SASH1: variants seen among roughly 807,000 people sequenced by gnomAD.
SASH1 encodes the protein SAM and SH3 domain-containing protein 1.
SASH1 carries 44 observed loss-of-function variants against 125.2 expected under a neutral mutation model. The observed-to-expected ratio is 0.35, with a 90% CI of 0.28 to 0.45. SASH1 has a LOEUF of 0.45. SASH1 is among the 20% of genes least tolerant of loss of function. The pLI is 1.00. For missense variants in SASH1, 1,426 were observed against 1,614.5 expected (o/e 0.88, Z 2.00); for synonymous variants, 639 against 649.1 (o/e 0.98, Z 0.24).
intron 2 of SASH1, among the ~76,000 whole-genome samples, chr6:148,425,437 C>T (rs1443559560): frequency 6.6e-6 from 1 of 151,964 alleles, no homozygotes; most frequent in Non-Finnish European, 1.5e-5. Flanking sequence ...ACAATTTTTA[C>T]CTCTTAGTTT....
chr6:148,410,630 A>C (rs1784583956), intron 2 of SASH1, among the ~76,000 whole-genome samples: 1 of 152,170 alleles, frequency 6.6e-6, no homozygotes, highest in African/African-American at 2.4e-5. Flanking sequence ...ATGAATCACA[A>C]TTTTTAGGAT....
chr6:148,231,658 G>A, the SASH1 span, among the ~76,000 whole-genome samples: 10 of 152,142 alleles, frequency 6.6e-5, no homozygotes, highest in African/African-American at 2.2e-4. Context: ...AATGATTTCA[G>A]TGAATTCTTT....
At chr6:148,381,741 G>A (rs1036863479) in intron 1 of SASH1, among the ~76,000 whole-genome samples, 2 of 141,234 alleles carry the variant, frequency 1.4e-5, no homozygotes, top group South Asian at 2.3e-4. Context: ...TGATTCTCTC[G>A]CCTCAGCTTC....
the SASH1 span, among the ~76,000 whole-genome samples, chr6:148,199,500 C>A: frequency 2.0e-5 from 3 of 152,044 alleles, no homozygotes; most frequent in Non-Finnish European, 4.4e-5. Context: ...GAGTTTGAAA[C>A]CAGCCTGAGC....
intron 1 of SASH1, among the ~76,000 whole-genome samples, chr6:148,321,078 T>G (rs1362829951): frequency 6.6e-6 from 1 of 152,196 alleles, no homozygotes; most frequent in Non-Finnish European, 1.5e-5. Context: ...GGTGCAAACA[T>G]AATCACGGTT....
At chr6:148,417,846 T>C (rs1358027656) in intron 2 of SASH1, among the ~76,000 whole-genome samples, 1 of 152,150 alleles carries the variant, frequency 6.6e-6, no homozygotes, top group Non-Finnish European at 1.5e-5. Flanking sequence ...ATGTTGGCAA[T>C]GATGGGAATG....
At chr6:148,393,665 A>G in intron 2 of SASH1, 2 of 981,036 alleles carry the variant, frequency 2.0e-6, no homozygotes, top group Non-Finnish European at 2.4e-6. Context: ...ATTCAAACAG[A>G]TGGGGCTAAT....
rs528252944 is a variant in SASH1, at chr6:148,504,880, G to T, written c.730-9444G>T. ...AGAGGCGTGGCAGTGAGGTTAAAAA[G>T]GGGTGGACAAGGTCGGCTCTCTCTC... On this transcript the variant is annotated intron_variant, in intron 8 of 19. Coordinates refer to ENST00000367467, the MANE Select transcript of SASH1 (RefSeq NM_015278.5). Among the ~76,000 whole-genome samples the T allele has an allele frequency of 9.2e-5, 14 of 152,232 alleles. No individual in the cohort carries two copies. The East Asian group carries it at 2.7e-3, about 29-fold the overall frequency.
intron 1 of SASH1, among the ~76,000 whole-genome samples, chr6:148,375,212 G>C (rs986094382): frequency 6.6e-5 from 10 of 151,222 alleles, no homozygotes; most frequent in African/African-American, 2.2e-4. Context: ...GGCTGGTCTC[G>C]AACTCCTGAG....
the SASH1 span, among the ~76,000 whole-genome samples, chr6:148,241,954 T>C: frequency 1.3e-5 from 2 of 152,222 alleles, no homozygotes; most frequent in Non-Finnish European, 2.9e-5. Context: ...GGGTCAAAAA[T>C]GAAGAGCATG....
chr6:148,443,975 T>C (rs184721049), intron 4 of SASH1, among the ~76,000 whole-genome samples: 268 of 152,318 alleles, frequency 1.8e-3, no homozygotes, highest in Middle Eastern at 6.8e-3. Flanking sequence ...TCATTCTGCG[T>C]CAGAGTGGTG....
the SASH1 span, among the ~76,000 whole-genome samples, chr6:148,233,742 CAAAAAAAAAA>C: frequency 1.3e-4 from 8 of 60,524 alleles, no homozygotes; most frequent in South Asian, 7.1e-4. Context: ...TTCCTCTCTA[CAAAAAAAAAA>C]AAAAAAAAAA....
the SASH1 span, among the ~76,000 whole-genome samples, chr6:148,222,235 T>C: frequency 6.6e-6 from 1 of 152,162 alleles, no homozygotes; most frequent in Non-Finnish European, 1.5e-5. Flanking sequence ...AATCAACAAT[T>C]AGGATGTTTC....
intron 4 of SASH1, among the ~76,000 whole-genome samples, chr6:148,467,009 C>G (rs1385606499): frequency 6.6e-6 from 1 of 151,116 alleles, no homozygotes; most frequent in African/African-American, 2.4e-5. Flanking sequence ...GCTGTAAGCC[C>G]AAGGATACTG....
intron 4 of SASH1, among the ~76,000 whole-genome samples, chr6:148,465,882 C>G (rs1777810771): frequency 6.6e-6 from 1 of 152,282 alleles, no homozygotes; most frequent in South Asian, 2.1e-4. Flanking sequence ...TGCTGCTTCT[C>G]TTCCTCATTC....
intron 1 of SASH1, among the ~76,000 whole-genome samples, chr6:148,323,091 C>T (rs746731930): frequency 2.0e-5 from 3 of 151,736 alleles, no homozygotes; most frequent in African/African-American, 7.3e-5. Flanking sequence ...CTCACTGCAA[C>T]CTCTGCCTCC....
rs115789733 is a variant in SASH1, at chr6:148,317,745, G to A, written n.74+45368G>A. On this transcript the variant is annotated intron_variant and non_coding_transcript_variant, in intron 1 of 3. Coordinates refer to the SASH1 transcript ENST00000367469. ...CGGCCAAGGAAAAAAATTTTTAATG[G>A]GACTCCCAACATCTTGCTTTTGTTG... Among the ~76,000 whole-genome samples the A allele has an allele frequency of 5.1e-3, 777 of 151,292 alleles. 9 individuals are homozygous for A. The highest frequency in any genetic ancestry group is 0.018 in the African/African-American group (726 of 41,020).
the SASH1 span, among the ~76,000 whole-genome samples, chr6:148,259,620 C>G: frequency 6.6e-6 from 1 of 152,190 alleles, no homozygotes; most frequent in Non-Finnish European, 1.5e-5. Context: ...ATTGTACCTC[C>G]AGAACCCAGC....
At chr6:148,525,390 A>G (rs1781083658) in intron 11 of SASH1, 25 bp downstream of exon 11, 2 of 1,547,412 alleles carry the variant, frequency 1.3e-6, no homozygotes, top group Non-Finnish European at 1.8e-6. Context: ...AGGAAAGCAA[A>G]AAATATGGAT....
Sources: gnomAD v4.1 joint callset for allele counts (sites outside exome capture counted in the v4.1 genomes callset) on GRCh38, gnomAD v4.1.1 for gene constraint, MANE v1.5 for transcripts, NCBI Gene and HGNC (gene_info 2026-07-23, HGNC 2026-07-21) for gene names.